The following RAPGEF5 variants were observed in gnomAD, a reference collection of about 807,000 sequenced individuals.
RAPGEF5 encodes M-Ras-regulated GEF.
Under a neutral mutation model 125.2 loss-of-function variants are expected in RAPGEF5, and 65 were observed. That is an observed-to-expected ratio of 0.52 (90% CI 0.43 to 0.64). The LOEUF is 0.64. Ranked by LOEUF, RAPGEF5 falls within the 30% of genes least tolerant of loss-of-function variation. The probability of loss-of-function intolerance (pLI) is 0.00; values close to 1 mark genes in which losing one functional copy is unlikely to be tolerated. For synonymous variants in RAPGEF5, 391 were observed against 385.9 expected (o/e 1.01, Z -0.16); for missense variants, 958 against 1,048.1 (o/e 0.91, Z 1.19).
intron 11 of RAPGEF5, among the ~76,000 whole-genome samples, chr7:22,187,316 C>A (rs925688871): frequency 1.3e-5 from 2 of 152,112 alleles, no homozygotes; most frequent in African/African-American, 4.8e-5. Flanking sequence ...CTTTAGAGAT[C>A]ATTTCATTTA....
chr7:22,154,452 T>C lies in RAPGEF5; in HGVS notation c.1786+3A>G. On this transcript the variant is annotated splice_donor_region_variant and intron_variant, in intron 17 of 25. Coordinates refer to ENST00000665637, the MANE Select transcript of RAPGEF5 (RefSeq NM_012294.5). ...TAATATTCAAGGGTAGAAAACAACT[T>C]ACCCCCAGAGAATGTGATGGCCACC... is the stretch of plus-strand genomic sequence containing the variant. The C allele has an allele frequency of 2.5e-6, 4 of 1,613,372 alleles. No individual in the cohort carries two copies. The highest frequency in any genetic ancestry group is 1.1e-5 in the South Asian group (1 of 90,934).
chr7:22,194,679 C>G (rs1479356051), intron 9 of RAPGEF5: 1 of 985,208 alleles, frequency 1.0e-6, no homozygotes, highest in Non-Finnish European at 1.2e-6. Context: ...AGAATCTCAT[C>G]TAGGCTGAAA....
intron 4 of RAPGEF5, among the ~76,000 whole-genome samples, chr7:22,308,976 C>T (rs1489743447): frequency 2.0e-5 from 3 of 151,942 alleles, no homozygotes; most frequent in South Asian, 2.1e-4. Flanking sequence ...GGGGGCAGAG[C>T]GCTACTAGTA....
At chr7:22,354,768 T>C (rs983280729) in intron 1 of RAPGEF5, among the ~76,000 whole-genome samples, 5 of 152,182 alleles carry the variant, frequency 3.3e-5, no homozygotes, top group African/African-American at 7.2e-5. Context: ...AAAGTGGTCA[T>C]CTGCAGGCCA....
intron 7 of RAPGEF5, among the ~76,000 whole-genome samples, chr7:22,239,929 C>T (rs1786283166): frequency 1.3e-5 from 2 of 151,116 alleles, no homozygotes; most frequent in South Asian, 4.2e-4. Flanking sequence ...TTTTTTTTGG[C>T]CGGGTGTGGT....
rs978893167 is a variant in RAPGEF5, at chr7:22,193,944, G to A, written c.1086C>T (p.Pro362=). The A allele has an allele frequency of 1.9e-6, 3 of 1,613,876 alleles. No individual in the cohort carries two copies. The highest frequency in any genetic ancestry group is 2.5e-6 in the Non-Finnish European group (3 of 1,179,852). ...LKKVQCCGPA[P]TAGSAESHWR... is the part of the protein sequence containing the mutation. ...AATGGCTCTCCGCACTCCCAGCTGT[G>A]GGGGCTGGGCCACAGCACTGCACTT... Residue 362 remains proline, a synonymous_variant, in exon 10 of 26, where the codon CCC becomes CCT. Coordinates refer to ENST00000665637, the MANE Select transcript of RAPGEF5 (RefSeq NM_012294.5).
At chr7:22,169,992 C>T (rs1345054536) in intron 11 of RAPGEF5, among the ~76,000 whole-genome samples, 1 of 150,278 alleles carries the variant, frequency 6.7e-6, no homozygotes, top group Non-Finnish European at 1.5e-5. Flanking sequence ...GCCTGGGCGA[C>T]ACAGAGAGAC....
chr7:22,224,642 G>C (rs181092554), intron 8 of RAPGEF5, among the ~76,000 whole-genome samples: 28 of 152,146 alleles, frequency 1.8e-4, no homozygotes, highest in Non-Finnish European at 2.5e-4. Flanking sequence ...AGCATGTGGG[G>C]AATGGAGGCC....
At chr7:22,316,168 A>G (rs1783584778) in intron 2 of RAPGEF5, among the ~76,000 whole-genome samples, 1 of 152,104 alleles carries the variant, frequency 6.6e-6, no homozygotes, top group African/African-American at 2.4e-5. Flanking sequence ...GTCCTACTTT[A>G]TAATACTACC....
chr7:22,142,738 T>C (rs940071826), intron 20 of RAPGEF5, among the ~76,000 whole-genome samples: 2 of 152,224 alleles, frequency 1.3e-5, no homozygotes, highest in African/African-American at 4.8e-5. Context: ...CTTTTGTCTT[T>C]GTGTGAGGAA....
At chr7:22,308,810 T>C (rs1783404837) in intron 4 of RAPGEF5, among the ~76,000 whole-genome samples, 1 of 152,206 alleles carries the variant, frequency 6.6e-6, no homozygotes, top group Non-Finnish European at 1.5e-5. Context: ...AAATCTTTTT[T>C]AGTGACCCAA....
chr7:22,234,848 A>C (rs888127283), intron 7 of RAPGEF5, among the ~76,000 whole-genome samples: 1 of 152,030 alleles, frequency 6.6e-6, no homozygotes, highest in East Asian at 1.9e-4. Flanking sequence ...ACAACAACAA[A>C]AAACAACTCT....
At chr7:22,273,011 C>G (rs1478378167) in intron 6 of RAPGEF5, among the ~76,000 whole-genome samples, 1 of 152,160 alleles carries the variant, frequency 6.6e-6, no homozygotes, top group Non-Finnish European at 1.5e-5. Flanking sequence ...CTGCCCACCT[C>G]AGCCTCCCAG....
At chr7:22,310,169 C>T (rs1383829434) in intron 3 of RAPGEF5, 79 bp from the exon 4 acceptor site, 44 of 1,315,410 alleles carry the variant, frequency 3.3e-5, no homozygotes, top group Non-Finnish European at 4.2e-5. Context: ...TATATAATAC[C>T]TTTCCTTTCA....
chr7:22,246,721 G>A (rs537034292), intron 7 of RAPGEF5, among the ~76,000 whole-genome samples: 6 of 152,158 alleles, frequency 3.9e-5, no homozygotes, highest in African/African-American at 1.4e-4. Context: ...AACAAAAACT[G>A]ACAAGTGGGA....
At chr7:22,140,641 C>G (rs4291165) in intron 20 of RAPGEF5, among the ~76,000 whole-genome samples, 147,345 of 152,292 alleles carry the variant, frequency 0.97, 71,312 homozygotes, top group East Asian at 0.99. Flanking sequence ...TGGGAATACT[C>G]TTCCACATTT....
chr7:22,150,261 G>C, intron 18 of RAPGEF5, 146 bp downstream of exon 18: 1 of 691,904 alleles, frequency 1.4e-6, no homozygotes, highest in Non-Finnish European at 2.3e-6. Flanking sequence ...TTTTTTTGTA[G>C]AGACAGGGTT....
At chr7:22,186,878 T>A (rs1427926496) in intron 11 of RAPGEF5, among the ~76,000 whole-genome samples, 1 of 152,224 alleles carries the variant, frequency 6.6e-6, no homozygotes, top group Non-Finnish European at 1.5e-5. Context: ...AATGGCTTGG[T>A]AATAAAATTC....
At chr7:22,282,285 T>C (rs1040556732) in intron 6 of RAPGEF5, among the ~76,000 whole-genome samples, 12 of 152,178 alleles carry the variant, frequency 7.9e-5, no homozygotes, top group African/African-American at 2.7e-4. Context: ...ATTCACACAA[T>C]GGAATCACAA....
Sources: allele counts gnomAD v4.1 joint callset (sites outside exome capture counted in the v4.1 genomes callset), GRCh38; gene constraint gnomAD v4.1.1; transcripts MANE v1.5; gene names NCBI Gene and HGNC (gene_info 2026-07-23, HGNC 2026-07-21).